Variants in LRP1B observed in about 807,000 individuals in gnomAD.
The protein encoded by LRP1B is low-density lipoprotein receptor-related protein 1B.
In LRP1B, 217 loss-of-function variants were observed where a neutral mutation model predicts 556.6. That is an observed-to-expected ratio of 0.39 (90% CI 0.35 to 0.44). The LOEUF is 0.44. Ranked by LOEUF, LRP1B falls within the 20% of genes least tolerant of loss-of-function variation. The pLI is 1.00. For missense variants in LRP1B, 5,053 were observed against 5,620.8 expected, an observed-to-expected ratio of 0.90 and a Z score of 3.23; for synonymous variants, 2,047 against 1,865.8, an observed-to-expected ratio of 1.10 and a Z score of -2.50.
At chr2:141,551,917 G>A (rs10803485) in intron 2 of LRP1B, among the ~76,000 whole-genome samples, 82,267 of 151,702 alleles carry the variant, frequency 0.54, 22,780 homozygotes, top group East Asian at 0.79. Flanking sequence ...ATTGTAAATA[G>A]TTAACAACTA....
In LRP1B at chr2:141,875,330, T is replaced by C. The variant is rs150707493; in HGVS notation, c.83-64929A>G. 8.9e-4 allele frequency among the ~76,000 whole-genome samples: 135 copies of C among 151,976 alleles called. No homozygotes were observed. In the Middle Eastern group the frequency reaches 0.01, roughly 12 times the overall value. On this transcript the variant is annotated intron_variant, in intron 1 of 90. Coordinates refer to ENST00000389484, the MANE Select transcript of LRP1B (RefSeq NM_018557.3). Reference sequence around the variant, plus strand: ...CCACACACAGCCAATATTTATCATATATATTTTTGACAAAGCTTGTTTTTC... The same window carrying C: ...CCACACACAGCCAATATTTATCATACATATTTTTGACAAAGCTTGTTTTTC...
chr2:141,031,558 A>ATATGT (rs1265804256), intron 11 of LRP1B, among the ~76,000 whole-genome samples: 1 of 152,002 alleles, frequency 6.6e-6, no homozygotes, highest in Non-Finnish European at 1.5e-5. Context: ...GACTTGCCAA[A>ATATGT]ATAATTAAAT....
chr2:141,400,338 T>A (rs1355905927), intron 3 of LRP1B, among the ~76,000 whole-genome samples: 1 of 152,154 alleles, frequency 6.6e-6, no homozygotes, highest in African/African-American at 2.4e-5. Flanking sequence ...TTTCACAAAT[T>A]AAATAACAAG....
chr2:141,804,282 G>A (rs1696102780), intron 2 of LRP1B, among the ~76,000 whole-genome samples: 1 of 151,984 alleles, frequency 6.6e-6, no homozygotes, highest in African/African-American at 2.4e-5. Context: ...GGGGAGAGAA[G>A]GATTATAAAC....
At chr2:141,914,379 G>T (rs973841982) in intron 1 of LRP1B, among the ~76,000 whole-genome samples, 1 of 152,104 alleles carries the variant, frequency 6.6e-6, no homozygotes. Context: ...TTTTAAGTAG[G>T]TTGACTAATA....
intron 1 of LRP1B, among the ~76,000 whole-genome samples, chr2:141,955,215 A>T (rs1701212902): frequency 6.6e-6 from 1 of 152,042 alleles, no homozygotes; most frequent in Non-Finnish European, 1.5e-5. Flanking sequence ...TACATTCCTC[A>T]CCCTTCTCAA....
chr2:141,385,681 T>C (rs1057128950), intron 3 of LRP1B, among the ~76,000 whole-genome samples: 3 of 152,132 alleles, frequency 2.0e-5, no homozygotes, highest in African/African-American at 7.2e-5. Flanking sequence ...GTAGAATGCC[T>C]CCTCATTCCT....
At chr2:141,108,767 G>T (rs1452047048) in intron 7 of LRP1B, among the ~76,000 whole-genome samples, 1 of 152,210 alleles carries the variant, frequency 6.6e-6, no homozygotes, top group Non-Finnish European at 1.5e-5. Context: ...TATGAAGATA[G>T]ATGTTTTGTA....
At chr2:140,835,259 A>G (rs1691859894) in intron 31 of LRP1B, among the ~76,000 whole-genome samples, 1 of 152,182 alleles carries the variant, frequency 6.6e-6, no homozygotes, top group South Asian at 2.1e-4. Flanking sequence ...AGGTCTTCTT[A>G]TCTGCATTAT....
chr2:141,985,954 A>G (rs1303773909), intron 1 of LRP1B, among the ~76,000 whole-genome samples: 1 of 152,016 alleles, frequency 6.6e-6, no homozygotes, highest in Non-Finnish European at 1.5e-5. Context: ...ATGAAAACAG[A>G]AAAACTAAGT....
chr2:141,756,876 A>G (rs1011587753), intron 2 of LRP1B, among the ~76,000 whole-genome samples: 1 of 152,122 alleles, frequency 6.6e-6, no homozygotes, highest in African/African-American at 2.4e-5. Flanking sequence ...AAATCAACAC[A>G]TTTCTCACAA....
chr2:140,502,832 G>A, intron 54 of LRP1B, 131 bp downstream of exon 54: 5 of 813,996 alleles, frequency 6.1e-6, no homozygotes, highest in Non-Finnish European at 9.5e-6. Flanking sequence ...TACCCTGCAT[G>A]GTGTCACTAG....
chr2:141,595,384 T>C (rs556683499), intron 2 of LRP1B, among the ~76,000 whole-genome samples: 1 of 152,080 alleles, frequency 6.6e-6, no homozygotes, highest in Non-Finnish European at 1.5e-5. Flanking sequence ...TCTAGGCTTG[T>C]TGTACATAAA....
At chr2:140,335,505 G>A in intron 78 of LRP1B, 110 bp downstream of exon 78, 1 of 692,280 alleles carries the variant, frequency 1.4e-6, no homozygotes, top group Non-Finnish European at 2.6e-6. Flanking sequence ...TTAAAAGCAT[G>A]TGACACTATT....
At chr2:140,421,549 T>G (rs1363757151) in intron 66 of LRP1B, among the ~76,000 whole-genome samples, 2 of 152,206 alleles carry the variant, frequency 1.3e-5, no homozygotes, top group Non-Finnish European at 2.9e-5. Context: ...AATACCATGT[T>G]ATTTAAAAAA....
intron 1 of LRP1B, among the ~76,000 whole-genome samples, chr2:141,910,422 T>C (rs1417121551): frequency 1.3e-5 from 2 of 152,108 alleles, no homozygotes; most frequent in Non-Finnish European, 2.9e-5. Context: ...AACTATCAGA[T>C]ATAGAGTTTG....
At chr2:141,268,744 G>T (rs1350108622) in intron 3 of LRP1B, among the ~76,000 whole-genome samples, 2 of 152,158 alleles carry the variant, frequency 1.3e-5, no homozygotes, top group African/African-American at 4.8e-5. Flanking sequence ...GAATACTGAA[G>T]AATTACTCTC....
At chr2:140,340,919 A>G (rs1306706801) in intron 77 of LRP1B, among the ~76,000 whole-genome samples, 1 of 151,586 alleles carries the variant, frequency 6.6e-6, no homozygotes, top group African/African-American at 2.4e-5. Context: ...ACTTCTTTAT[A>G]TAATCATTTT....
At chr2:140,385,725 AT>A (rs1683729654) in intron 67 of LRP1B, among the ~76,000 whole-genome samples, 167 bp downstream of exon 67, 2 of 152,194 alleles carry the variant, frequency 1.3e-5, no homozygotes, top group South Asian at 4.1e-4. Context: ...TAATTCTACC[AT>A]TTGAAATTCA....
Sources: gnomAD v4.1 joint callset for allele counts (sites outside exome capture counted in the v4.1 genomes callset) on GRCh38, gnomAD v4.1.1 for gene constraint, MANE v1.5 for transcripts, NCBI Gene and HGNC (gene_info 2026-07-23, HGNC 2026-07-21) for gene names.